Variants in NPTN observed in about 807,000 individuals in gnomAD.
NPTN encodes neuroplastin, also known as SDR-1.
A neutral mutation model predicts 42.7 loss-of-function variants in NPTN; 5 were observed. The observed-to-expected ratio is 0.12, with a 90% CI of 0.06 to 0.25. The LOEUF is 0.25. NPTN is among the 10% of genes least tolerant of loss of function. The pLI is 1.00. For synonymous variants in NPTN, 180 were observed against 201.9 expected, an observed-to-expected ratio of 0.89 and a Z score of 0.92; for missense variants, 307 against 525.4, an observed-to-expected ratio of 0.58 and a Z score of 4.06.
At chr15:73,580,462 A>T (rs1373711047) in intron 4 of NPTN, among the ~76,000 whole-genome samples, 1,966 of 137,078 alleles carry the variant, frequency 0.014, 126 homozygotes, top group African/African-American at 0.052. Context: ...ATATATACAA[A>T]ATATATTTAT....
intron 4 of NPTN, among the ~76,000 whole-genome samples, chr15:73,586,476 C>G (rs1161991559): frequency 1.3e-5 from 2 of 152,188 alleles, no homozygotes; most frequent in South Asian, 2.1e-4. Flanking sequence ...GTGGCCATCC[C>G]TACATCAACT....
intron 1 of NPTN, among the ~76,000 whole-genome samples, chr15:73,626,566 C>T (rs1219368661): frequency 2.6e-5 from 4 of 152,104 alleles, no homozygotes; most frequent in African/African-American, 9.7e-5. Flanking sequence ...ATCCTACCAT[C>T]AGGAAGAAAA....
intron 3 of NPTN, among the ~76,000 whole-genome samples, chr15:73,589,331 CGAAAAAAAAA>C (rs1896476830): frequency 6.7e-6 from 1 of 149,886 alleles, no homozygotes; most frequent in Non-Finnish European, 1.5e-5. Flanking sequence ...GACCCTGTTG[CGAAAAAAAAA>C]GAAAAAAAGA....
Position 73,585,350 on chromosome 15 carries a change from C to T in NPTN, c.706+2174G>A, listed in dbSNP as rs186786447. Among the ~76,000 whole-genome samples, 136 of 152,278 alleles carry T rather than the reference C, an allele frequency of 8.9e-4. 1 individual carries two copies. Among genetic ancestry groups the T allele is most frequent in the Non-Finnish European group, 1.7e-3 (113 of 68,022 alleles). ...TAAAAAGATAACTGTCTCTTATCCC[C>T]ACCCCGGAGACACTAAGGGAATAAA... On this transcript the variant is annotated intron_variant, in intron 4 of 8. Transcript: ENST00000345330.
Position 73,597,383 on chromosome 15 carries a change from G to A in NPTN, c.92-14C>T. The A allele has an allele frequency of 6.3e-7, 1 of 1,593,484 alleles. No homozygotes were observed. Among genetic ancestry groups the A allele is most frequent in the Non-Finnish European group, 8.6e-7 (1 of 1,163,568 alleles). ...TGACAAACCCAGCTAGAGGGAGGGG[G>A]AGCAGGAATGCAGTGACAGGCCAAT... On this transcript the variant is annotated splice_polypyrimidine_tract_variant and intron_variant, in intron 1 of 8. Transcript: ENST00000345330. This position sits in a 1 kb window ranked among gnomAD's most constrained non-coding sequence, Gnocchi z 6.3.
chr15:73,568,688 G>T, intron 6 of NPTN: 1 of 985,528 alleles, frequency 1.0e-6, no homozygotes. Context: ...CTCCCAGGTT[G>T]CAGGAAACTA....
chr15:73,610,464 A>C (rs571130749), intron 1 of NPTN, among the ~76,000 whole-genome samples: 48 of 152,266 alleles, frequency 3.2e-4, no homozygotes, highest in Middle Eastern at 3.4e-3. Flanking sequence ...GCAGTGTTTA[A>C]ATTACCATTC....
chr15:73,569,528 C>A lies in NPTN; in HGVS notation c.1114+622G>T, dbSNP rs1595897618. The A allele has an allele frequency of 2.0e-6, 2 of 985,448 alleles. No homozygotes were observed. The highest frequency in any genetic ancestry group is 1.7e-5 in the African/African-American group (1 of 57,366). 61.0% of individuals were successfully genotyped at this position (985,448 alleles called of 1,614,324 possible). On this transcript the variant is annotated intron_variant, in intron 6 of 8. Coordinates refer to ENST00000345330, the MANE Select transcript of NPTN (RefSeq NM_012428.4). The surrounding 1 kb of genome is among the most constrained non-coding windows in gnomAD (Gnocchi z 4.1). Reference sequence around the variant, plus strand: ...ACTAGATGGGTGGATACATCAGACTCTCCTTTGTCTGTGAGACACAGATGG... The same window carrying A: ...ACTAGATGGGTGGATACATCAGACTATCCTTTGTCTGTGAGACACAGATGG...
intron 4 of NPTN, among the ~76,000 whole-genome samples, chr15:73,575,677 GC>G (rs1229623724): frequency 6.6e-6 from 1 of 152,182 alleles, no homozygotes; most frequent in Non-Finnish European, 1.5e-5. Context: ...TTGCATTGGG[GC>G]TAATCTCATG....
chr15:73,580,542 T>C (rs1895978825), intron 4 of NPTN, among the ~76,000 whole-genome samples: 1 of 142,118 alleles, frequency 7.0e-6, no homozygotes, highest in Non-Finnish European at 1.5e-5. Flanking sequence ...TATATATTTG[T>C]TATATATGTA....
At chr15:73,595,136 G>T (rs1896775010) in intron 2 of NPTN, among the ~76,000 whole-genome samples, 1 of 152,102 alleles carries the variant, frequency 6.6e-6, no homozygotes. Context: ...GGATTGGTAG[G>T]TAGGTACCCC....
intron 4 of NPTN, among the ~76,000 whole-genome samples, chr15:73,580,441 A>AATAT (rs201553060): frequency 2.6e-5 from 3 of 113,956 alleles, no homozygotes; most frequent in East Asian, 2.3e-4. Context: ...TAATATATAT[A>AATAT]ATATATATGT....
At chr15:73,598,680 C>G (rs1896940324) in intron 1 of NPTN, among the ~76,000 whole-genome samples, 2 of 152,136 alleles carry the variant, frequency 1.3e-5, no homozygotes, top group African/African-American at 2.4e-5. Flanking sequence ...CCTGGGAGGC[C>G]TGCTGCATAA....
intron 7 of NPTN, 46 bp from the exon 8 acceptor site, chr15:73,562,016 C>T (rs1894704181): frequency 7.2e-7 from 1 of 1,396,294 alleles, no homozygotes; most frequent in Non-Finnish European, 1.0e-6. Context: ...CAGTCAATAA[C>T]TTTTCAAAGT....
chr15:73,565,584 A>G (rs1156644619), intron 6 of NPTN, among the ~76,000 whole-genome samples: 1 of 152,160 alleles, frequency 6.6e-6, no homozygotes, highest in Non-Finnish European at 1.5e-5. Context: ...GGGGGAAAAA[A>G]AAGAAGTCAT....
At chr15:73,571,570 G>A (rs1381914602) in intron 5 of NPTN, among the ~76,000 whole-genome samples, 1 of 152,192 alleles carries the variant, frequency 6.6e-6, no homozygotes, top group Non-Finnish European at 1.5e-5. Flanking sequence ...CTGTGGAGGA[G>A]GACAGCTGAT....
At chr15:73,563,710 T>C in intron 6 of NPTN, 1 of 218,594 alleles carries the variant, frequency 4.6e-6, no homozygotes, top group Non-Finnish European at 7.8e-6. Flanking sequence ...TCTGTACATT[T>C]AGCCACACAT....
At chr15:73,612,221 C>A (rs995479732) in intron 1 of NPTN, among the ~76,000 whole-genome samples, 2 of 151,914 alleles carry the variant, frequency 1.3e-5, no homozygotes, top group African/African-American at 4.8e-5. Flanking sequence ...GAGTTCAAGA[C>A]CAGCCTGGGT....
At chr15:73,627,241 A>G (rs1355568172) in intron 1 of NPTN, among the ~76,000 whole-genome samples, 2 of 152,238 alleles carry the variant, frequency 1.3e-5, no homozygotes, top group African/African-American at 4.8e-5. Flanking sequence ...ATCTTTAAAA[A>G]AAAATTGACA....
Sources: allele counts gnomAD v4.1 joint callset (sites outside exome capture counted in the v4.1 genomes callset), GRCh38; gene constraint gnomAD v4.1.1; non-coding constraint Gnocchi (gnomAD v3.1); transcripts MANE v1.5; gene names NCBI Gene and HGNC (gene_info 2026-07-23, HGNC 2026-07-21).